The following TTBK2 variants were observed in gnomAD, a reference collection of about 807,000 sequenced individuals.
TTBK2 encodes the protein tau-tubulin kinase 2.
A neutral mutation model predicts 110.8 loss-of-function variants in TTBK2; 28 were observed. The ratio of observed to expected loss-of-function variants is 0.25; its 90% CI spans 0.19 to 0.35. The LOEUF (loss-of-function observed/expected upper bound fraction) is 0.35. Ranked by LOEUF, TTBK2 falls within the 10% of genes least tolerant of loss-of-function variation. The probability of loss-of-function intolerance (pLI) is 1.00; values close to 1 mark genes in which losing one functional copy is unlikely to be tolerated. For missense variants in TTBK2, 1,369 were observed against 1,500.3 expected, an observed-to-expected ratio of 0.91 and a Z score of 1.45; for synonymous variants, 532 against 527.3, an observed-to-expected ratio of 1.01 and a Z score of -0.12.
At chr15:42,793,790 T>C (rs557244796) in intron 10 of TTBK2, among the ~76,000 whole-genome samples, 1 of 149,166 alleles carries the variant, frequency 6.7e-6, no homozygotes, top group East Asian at 2.0e-4. Flanking sequence ...AGAGCTGAGA[T>C]TGTGCCACTG....
chr15:42,790,288 A>T (rs1293489378), intron 10 of TTBK2, among the ~76,000 whole-genome samples: 1 of 144,436 alleles, frequency 6.9e-6, no homozygotes. Context: ...TTCTTTGTCT[A>T]TTTTTTTTTT....
intron 3 of TTBK2, among the ~76,000 whole-genome samples, chr15:42,840,873 C>A (rs766346370): frequency 2.6e-5 from 4 of 152,150 alleles, no homozygotes; most frequent in Admixed American, 1.3e-4. Context: ...TCTTTCTGGG[C>A]CTCACTGATG....
At chr15:42,914,174 C>G (rs144884699) in intron 1 of TTBK2, among the ~76,000 whole-genome samples, 1 of 151,872 alleles carries the variant, frequency 6.6e-6, no homozygotes, top group Non-Finnish European at 1.5e-5. Flanking sequence ...GACAGGGTTT[C>G]ACCATATTGG....
At chr15:42,893,981 A>C (rs1895570755) in intron 1 of TTBK2, among the ~76,000 whole-genome samples, 1 of 152,184 alleles carries the variant, frequency 6.6e-6, no homozygotes, top group African/African-American at 2.4e-5. Context: ...GTCCCTACCC[A>C]AATCTCATCT....
chr15:42,783,051 C>T (rs1172454725), intron 11 of TTBK2, among the ~76,000 whole-genome samples: 1 of 152,216 alleles, frequency 6.6e-6, no homozygotes, highest in African/African-American at 2.4e-5. Flanking sequence ...TGGCATATCA[C>T]ATCGATCCAG....
intron 6 of TTBK2, among the ~76,000 whole-genome samples, chr15:42,822,814 G>T (rs558002119): frequency 1.3e-5 from 2 of 152,276 alleles, no homozygotes; most frequent in Non-Finnish European, 2.9e-5. Context: ...GATGAGTGAG[G>T]AAACTATTTT....
chr15:42,797,757 G>A (rs979821975), intron 9 of TTBK2, among the ~76,000 whole-genome samples: 2 of 151,974 alleles, frequency 1.3e-5, no homozygotes, highest in African/African-American at 2.4e-5. Context: ...AAATTACCTT[G>A]TAAGTCATCT....
Position 42,878,697 on chromosome 15 carries a change from C to G in TTBK2, c.-67-13G>C. 2 of 1,609,728 alleles carry G rather than the reference C, an allele frequency of 1.2e-6. No homozygotes were observed. Among genetic ancestry groups the G allele is most frequent in the Non-Finnish European group, 1.7e-6 (2 of 1,178,598 alleles). ...GTTTCCATTTAACCTAAAACAACAACAACAAAAAATAGTAGCAGTATTTAG... is the reference window on the plus strand; with the variant it reads ...GTTTCCATTTAACCTAAAACAACAAGAACAAAAAATAGTAGCAGTATTTAG... On this transcript the variant is annotated splice_polypyrimidine_tract_variant and intron_variant, in intron 1 of 14. Coordinates refer to ENST00000267890, the MANE Select transcript of TTBK2 (RefSeq NM_173500.4).
At chr15:42,891,603 G>A (rs538747732) in intron 1 of TTBK2, among the ~76,000 whole-genome samples, 2 of 152,054 alleles carry the variant, frequency 1.3e-5, no homozygotes, top group African/African-American at 4.8e-5. Context: ...GTACCAAGAG[G>A]GTGGTGTACC....
intron 3 of TTBK2, among the ~76,000 whole-genome samples, chr15:42,864,746 C>G (rs773648297): frequency 2.0e-5 from 3 of 151,926 alleles, no homozygotes; most frequent in African/African-American, 7.3e-5. Context: ...GTTAAAAGTT[C>G]TTTGGAGAGA....
chr15:42,808,968 C>A (rs185937486), intron 9 of TTBK2, among the ~76,000 whole-genome samples: 26 of 152,256 alleles, frequency 1.7e-4, no homozygotes, highest in Admixed American at 6.5e-4. Flanking sequence ...TTCACGAGAC[C>A]ATTCAGATTA....
At chr15:42,862,582 A>G (rs1177353165) in intron 3 of TTBK2, among the ~76,000 whole-genome samples, 1 of 152,130 alleles carries the variant, frequency 6.6e-6, no homozygotes, top group African/African-American at 2.4e-5. Flanking sequence ...TCAAAAGAAC[A>G]TATCTCAAAA....
chr15:42,863,997 A>AT (rs1400047424), intron 3 of TTBK2, among the ~76,000 whole-genome samples: 1 of 152,236 alleles, frequency 6.6e-6, no homozygotes, highest in Non-Finnish European at 1.5e-5. Context: ...AACCTAGGAA[A>AT]TACCTTTGTT....
intron 11 of TTBK2, among the ~76,000 whole-genome samples, chr15:42,780,359 T>C (rs1890132842): frequency 6.6e-6 from 1 of 151,080 alleles, no homozygotes; most frequent in Admixed American, 6.6e-5. Context: ...TTTTTTTTTT[T>C]TAAAAGAAAG....
intron 13 of TTBK2, among the ~76,000 whole-genome samples, chr15:42,765,706 C>G (rs956982300): frequency 6.6e-6 from 1 of 152,144 alleles, no homozygotes; most frequent in African/African-American, 2.4e-5. Context: ...AGGATATTAT[C>G]CAGGAGAACT....
chr15:42,878,769 C>G, intron 1 of TTBK2, 85 bp from the exon 2 acceptor site: 2 of 1,490,118 alleles, frequency 1.3e-6, no homozygotes, highest in Non-Finnish European at 9.0e-7. Flanking sequence ...GGAAGCACTA[C>G]TAATACTATA....
At chr15:42,782,897 T>C (rs1163349241) in intron 11 of TTBK2, among the ~76,000 whole-genome samples, 2 of 152,158 alleles carry the variant, frequency 1.3e-5, no homozygotes, top group Admixed American at 6.6e-5. Context: ...TTTTTTGCTA[T>C]AAGAACAGTT....
In TTBK2 at chr15:42,744,894, C is replaced by G. The variant is rs1235406609; in HGVS notation, c.*901G>C. 1 of 153,916 alleles carries G rather than the reference C, an allele frequency of 6.5e-6. No homozygotes were observed. Among genetic ancestry groups the G allele is most frequent in the East Asian group, 1.9e-4 (1 of 5,196 alleles). The allele number at this position is 153,916 out of a possible 1,614,324, so 9.5% of individuals were successfully genotyped here. On this transcript the variant is annotated 3_prime_UTR_variant, in exon 15 of 15. Transcript: ENST00000267890. The stretch of plus-strand genomic sequence containing the variant: ...AGAAGACTTAAGGAAGCAGTCTACT[C>G]TGGTCAGTTTTCCTTCTACTCAAGT...
At chr15:42,774,395 C>G (rs941455770) in intron 13 of TTBK2, among the ~76,000 whole-genome samples, 1 of 152,140 alleles carries the variant, frequency 6.6e-6, no homozygotes, top group African/African-American at 2.4e-5. Flanking sequence ...TGGGGCTCCT[C>G]CTCACACAGT....
Sources: allele counts gnomAD v4.1 joint callset (sites outside exome capture counted in the v4.1 genomes callset), GRCh38; gene constraint gnomAD v4.1.1; transcripts MANE v1.5; gene names NCBI Gene and HGNC (gene_info 2026-07-23, HGNC 2026-07-21).